The following MTHFD2L variants were observed in gnomAD, a reference collection of about 807,000 sequenced individuals.
MTHFD2L encodes the protein bifunctional methylenetetrahydrofolate dehydrogenase/cyclohydrolase 2, mitochondrial.
Under a neutral mutation model 34.9 loss-of-function variants are expected in MTHFD2L, and 29 were observed. That is an observed-to-expected ratio of 0.83 (90% CI 0.62 to 1.13). The LOEUF is 1.13. Ranked by LOEUF, MTHFD2L falls within the 50% of genes most tolerant of loss-of-function variation. MTHFD2L has a pLI of 0.00. For synonymous variants in MTHFD2L, 167 were observed against 155.7 expected (o/e 1.07, Z -0.54); for missense variants, 481 against 446.5 (o/e 1.08, Z -0.70).
intron 6 of MTHFD2L, among the ~76,000 whole-genome samples, chr4:74,277,065 C>T (rs1746750292): frequency 6.6e-6 from 1 of 151,630 alleles, no homozygotes; most frequent in Non-Finnish European, 1.5e-5. Flanking sequence ...ACCATGAGGA[C>T]AGCATGGAGG....
chr4:74,272,113 C>T (rs937613192), intron 6 of MTHFD2L, among the ~76,000 whole-genome samples: 5 of 152,104 alleles, frequency 3.3e-5, no homozygotes, highest in South Asian at 2.1e-4. Context: ...AAGTCTACGT[C>T]GCTATCGAAA....
At chr4:74,125,211 C>T (rs1721986903), upstream of MTHFD2L, among the ~76,000 whole-genome samples, 2 of 151,946 alleles carry the variant, frequency 1.3e-5, no homozygotes, top group South Asian at 4.2e-4. Context: ...GTTGATTAAC[C>T]CAAGTAATAT....
chr4:74,163,313 CTG>C (rs1738035691), intron 1 of MTHFD2L, among the ~76,000 whole-genome samples: 2 of 152,036 alleles, frequency 1.3e-5, no homozygotes, highest in Admixed American at 1.3e-4. Context: ...TCCTTGTAAT[CTG>C]TATTTTATAT....
intron 6 of MTHFD2L, among the ~76,000 whole-genome samples, chr4:74,244,410 A>G (rs1369510815): frequency 6.6e-6 from 1 of 152,208 alleles, no homozygotes; most frequent in African/African-American, 2.4e-5. Context: ...AAAGTCACCC[A>G]GGTGAGTTTT....
chr4:74,209,426 T>C (rs532185176), intron 5 of MTHFD2L, among the ~76,000 whole-genome samples: 1 of 152,182 alleles, frequency 6.6e-6, no homozygotes, highest in Non-Finnish European at 1.5e-5. Context: ...CTCCCACTTA[T>C]GAATGGGAAC....
chr4:74,229,975 T>G (rs1393846418), intron 6 of MTHFD2L, among the ~76,000 whole-genome samples: 1 of 152,156 alleles, frequency 6.6e-6, no homozygotes. Flanking sequence ...GCTAGGTAAG[T>G]GCTTAGAACA....
chr4:74,131,001 G>A (rs192111755), intron 1 of MTHFD2L, among the ~76,000 whole-genome samples: 192 of 152,142 alleles, frequency 1.3e-3, no homozygotes, highest in African/African-American at 4.2e-3. Context: ...GCTACAAAAA[G>A]AATAAAATAC....
intron 4 of MTHFD2L, 60 bp downstream of exon 4, chr4:74,200,006 C>T: frequency 6.5e-7 from 1 of 1,541,576 alleles, no homozygotes; most frequent in Non-Finnish European, 8.9e-7. Context: ...CCTTTGTGCA[C>T]TGAGACTTGA....
At chr4:74,122,363 A>C (rs1321975446), upstream of MTHFD2L, among the ~76,000 whole-genome samples, 1 of 152,172 alleles carries the variant, frequency 6.6e-6, no homozygotes, top group East Asian at 1.9e-4. Context: ...CAGGAGAGAG[A>C]GAGAGTGAAT....
At chr4:74,170,718 T>TA (rs1413928346) in intron 1 of MTHFD2L, among the ~76,000 whole-genome samples, 2 of 151,604 alleles carry the variant, frequency 1.3e-5, no homozygotes, top group African/African-American at 4.9e-5. Flanking sequence ...CAAAGAACTT[T>TA]AAAAAAACCC....
intron 7 of MTHFD2L, among the ~76,000 whole-genome samples, chr4:74,292,840 T>C (rs1749127554): frequency 6.6e-6 from 1 of 151,980 alleles, no homozygotes; most frequent in African/African-American, 2.4e-5. Flanking sequence ...AGTAGAAATA[T>C]CTTTTTTATT....
chr4:74,215,089 G>C (rs1247303000), intron 5 of MTHFD2L, among the ~76,000 whole-genome samples: 3 of 151,796 alleles, frequency 2.0e-5, no homozygotes, highest in African/African-American at 7.3e-5. Context: ...ACTTCAGACT[G>C]CTATGCTGGC....
At chr4:74,300,855 A>T (rs1449544699) in intron 7 of MTHFD2L, among the ~76,000 whole-genome samples, 1 of 152,098 alleles carries the variant, frequency 6.6e-6, no homozygotes, top group African/African-American at 2.4e-5. Flanking sequence ...TACCATAAAC[A>T]TGCTCAGAAC....
intron 7 of MTHFD2L, among the ~76,000 whole-genome samples, chr4:74,294,645 A>G (rs867588955): frequency 2.6e-5 from 4 of 152,098 alleles, no homozygotes; most frequent in Non-Finnish European, 2.9e-5. Context: ...AGGCGTCCAT[A>G]TAAACTGGAT....
At chr4:74,257,737 T>C (rs1188793336) in intron 6 of MTHFD2L, among the ~76,000 whole-genome samples, 1 of 152,078 alleles carries the variant, frequency 6.6e-6, no homozygotes, top group Non-Finnish European at 1.5e-5. Flanking sequence ...AAAGTAAAAA[T>C]AGACAAATGG....
intron 1 of MTHFD2L, chr4:74,143,266 C>G (rs1318347821): frequency 3.8e-6 from 1 of 266,508 alleles, no homozygotes; most frequent in Non-Finnish European, 5.8e-6. Flanking sequence ...ACTGATTCCT[C>G]ACAGCCTTCA....
At chr4:74,216,842 A>G (rs576330803) in intron 5 of MTHFD2L, among the ~76,000 whole-genome samples, 73 of 151,856 alleles carry the variant, frequency 4.8e-4, no homozygotes, top group Non-Finnish European at 8.7e-4. Context: ...GACAACTTCT[A>G]TTTCTCACTT....
intron 6 of MTHFD2L, chr4:74,267,631 C>G (rs1371686715): frequency 1.3e-5 from 8 of 638,830 alleles, no homozygotes; most frequent in African/African-American, 3.9e-5. Flanking sequence ...GACAAGGTTT[C>G]CCTATGTTGC....
chr4:74,241,534 A>G (rs1229261815), intron 6 of MTHFD2L: 5 of 430,864 alleles, frequency 1.2e-5, no homozygotes, highest in South Asian at 3.4e-5. Flanking sequence ...GGTGCACACC[A>G]CCATGCGTAG....
Sources: allele counts gnomAD v4.1 joint callset (sites outside exome capture counted in the v4.1 genomes callset), GRCh38; gene constraint gnomAD v4.1.1; transcripts MANE v1.5; gene names NCBI Gene and HGNC (gene_info 2026-07-23, HGNC 2026-07-21).